Variants in ANK2 observed in about 807,000 individuals in gnomAD.
ANK2 encodes ankyrin-2.
In ANK2, 83 loss-of-function variants were observed where a neutral mutation model predicts 360.5. That is an observed-to-expected ratio of 0.23 (90% CI 0.19 to 0.28). ANK2 has a LOEUF of 0.28. ANK2 is among the 10% of genes least tolerant of loss of function. ANK2 has a pLI of 1.00. For synonymous variants in ANK2, 1,740 were observed against 1,759.5 expected, an observed-to-expected ratio of 0.99 and a Z score of 0.28; for missense variants, 4,201 against 4,795.7, an observed-to-expected ratio of 0.88 and a Z score of 3.66.
chr4:113,330,525 C>T (rs2153927297), intron 27 of ANK2, 55 bp downstream of exon 27: 2 of 1,548,084 alleles, frequency 1.3e-6, no homozygotes, highest in Non-Finnish European at 1.8e-6. Context: ...GTGTCCTCTA[C>T]ATGAAATCAC....
chr4:113,128,528 C>T (rs909665067), intron 1 of ANK2, among the ~76,000 whole-genome samples: 2 of 152,154 alleles, frequency 1.3e-5, no homozygotes, highest in Non-Finnish European at 2.9e-5. Context: ...CTCACTCTGT[C>T]ACCAGGGCTG....
intron 1 of ANK2, among the ~76,000 whole-genome samples, chr4:113,076,255 G>C (rs1012454145): frequency 6.6e-6 from 1 of 152,218 alleles, no homozygotes; most frequent in Non-Finnish European, 1.5e-5. Flanking sequence ...TTACAAAATT[G>C]TGTTGGGCTG....
intron 1 of ANK2, among the ~76,000 whole-genome samples, chr4:113,125,227 AT>A (rs951473128): frequency 1.5e-4 from 23 of 152,210 alleles, no homozygotes; most frequent in African/African-American, 5.3e-4. Context: ...CCAAAAGTCT[AT>A]TTTTTAGCGA....
At chr4:112,847,720 A>T (rs1370174403) in intron 1 of ANK2, among the ~76,000 whole-genome samples, 1 of 152,326 alleles carries the variant, frequency 6.6e-6, no homozygotes, top group East Asian at 1.9e-4. Flanking sequence ...CCTTCAATAT[A>T]TAAAAAAATA....
chr4:113,010,622 A>G (rs1010639946), intron 2 of ANK2, among the ~76,000 whole-genome samples: 2 of 152,102 alleles, frequency 1.3e-5, no homozygotes, highest in African/African-American at 4.8e-5. Context: ...GATAAATGCT[A>G]GGAAGGAAAT....
At chr4:112,953,781 C>T (rs755759106) in intron 2 of ANK2, among the ~76,000 whole-genome samples, 1 of 152,084 alleles carries the variant, frequency 6.6e-6, no homozygotes, top group Non-Finnish European at 1.5e-5. Flanking sequence ...GGATTATTAC[C>T]AGGTGCTTGG....
chr4:112,779,109 G>A, the ANK2 span, among the ~76,000 whole-genome samples: 1 of 152,046 alleles, frequency 6.6e-6, no homozygotes, highest in South Asian at 2.1e-4. Context: ...TGTTAGTGCT[G>A]TTTTCTGGGA....
chr4:112,832,255 G>A (rs1420539486), intron 1 of ANK2, among the ~76,000 whole-genome samples: 1 of 152,172 alleles, frequency 6.6e-6, no homozygotes, highest in Non-Finnish European at 1.5e-5. Flanking sequence ...GTTTCACCCT[G>A]TTAACCAGGC....
At chr4:113,145,394 A>G (rs1427558407) in intron 1 of ANK2, among the ~76,000 whole-genome samples, 1 of 152,200 alleles carries the variant, frequency 6.6e-6, no homozygotes, top group East Asian at 1.9e-4. Context: ...TTGTGTGAAT[A>G]AGAGACAGAG....
At chr4:112,833,846 T>A (rs139738853) in intron 1 of ANK2, among the ~76,000 whole-genome samples, 1 of 152,152 alleles carries the variant, frequency 6.6e-6, no homozygotes, top group Non-Finnish European at 1.5e-5. Flanking sequence ...TGTCCCAAAT[T>A]CAAAAGGTTC....
chr4:113,104,469 T>G (rs2093365530), intron 1 of ANK2, among the ~76,000 whole-genome samples: 1 of 152,214 alleles, frequency 6.6e-6, no homozygotes, highest in African/African-American at 2.4e-5. Flanking sequence ...ATCCCAGCAC[T>G]TTGGGATGCT....
rs1489947974 is a variant in ANK2 at position 113,021,541 on chromosome 4, C to CACACACACACAT, written c.21+117028_21+117029insCACACACACATA. On this transcript the variant is annotated intron_variant, in intron 2 of 30. Transcript: ENST00000503271. ...ATACACACACACACCCACACACAAA[C>CACACACACACAT]ATATATATATATATATATATATATA... 1.6e-3 allele frequency among the ~76,000 whole-genome samples: 154 copies of CACACACACACAT among 95,630 alleles called. 2 individuals are homozygous for CACACACACACAT. The highest frequency in any genetic ancestry group is 5.9e-3 in the Middle Eastern group (1 of 170). The allele number at this position is 95,630 out of a possible 152,430, so 62.7% of individuals were successfully genotyped here.
At chr4:113,072,086 C>A (rs1334859976) in intron 1 of ANK2, 7 of 152,158 alleles carry the variant, frequency 4.6e-5, no homozygotes, top group Non-Finnish European at 1.0e-4. Flanking sequence ...ATTATGGGAA[C>A]TACAATTCAA....
rs566208660 is a variant in ANK2 at position 112,950,169 on chromosome 4, T to C, written c.21+45655T>C. Among the ~76,000 whole-genome samples, 55 of 152,286 alleles carry C rather than the reference T, an allele frequency of 3.6e-4. 1 individual carries two copies. Among genetic ancestry groups the C allele is most frequent in the South Asian group, 2.3e-3 (11 of 4,828 alleles). On this transcript the variant is annotated intron_variant, in intron 2 of 30. Transcript: ENST00000503271. Reference sequence around the variant, plus strand: ...CACTTCTTACCTGCCTCTCTCTATTTGAATATAAGCTTTTTGAGGTCAGAT... The same window carrying C: ...CACTTCTTACCTGCCTCTCTCTATTCGAATATAAGCTTTTTGAGGTCAGAT...
chr4:112,997,114 CTA>C (rs1392750721), intron 2 of ANK2, among the ~76,000 whole-genome samples: 1 of 151,968 alleles, frequency 6.6e-6, no homozygotes, highest in African/African-American at 2.4e-5. Context: ...TAATGTCACT[CTA>C]TTTTTTAAAT....
At chr4:113,106,639 A>G (rs1052016665) in intron 1 of ANK2, among the ~76,000 whole-genome samples, 5 of 152,296 alleles carry the variant, frequency 3.3e-5, no homozygotes, top group Non-Finnish European at 7.4e-5. Context: ...TTTGTCTTCA[A>G]TTGTAACTGT....
At chr4:113,129,977 T>A (rs2095906982) in intron 1 of ANK2, among the ~76,000 whole-genome samples, 1 of 152,182 alleles carries the variant, frequency 6.6e-6, no homozygotes, top group Non-Finnish European at 1.5e-5. Context: ...CTTTATTTAG[T>A]TTGAATTACT....
chr4:113,341,576 C>CT (rs780056672), intron 32 of ANK2, 112 bp from the exon 33 acceptor site: 108 of 1,141,876 alleles, frequency 9.5e-5, no homozygotes, highest in Admixed American at 1.5e-4. Flanking sequence ...CTCTCACTTC[C>CT]TTTTTTCCAA....
At chr4:113,105,274 T>G (rs1173122340) in intron 1 of ANK2, among the ~76,000 whole-genome samples, 2 of 152,178 alleles carry the variant, frequency 1.3e-5, no homozygotes. Flanking sequence ...GGTTCTGTGT[T>G]CTGGAGAATT....
Sources: gnomAD v4.1 joint callset for allele counts (sites outside exome capture counted in the v4.1 genomes callset) on GRCh38, gnomAD v4.1.1 for gene constraint, MANE v1.5 for transcripts, NCBI Gene and HGNC (gene_info 2026-07-23, HGNC 2026-07-21) for gene names.